GRM8: variants seen among roughly 807,000 people sequenced by gnomAD.
The protein encoded by GRM8 is metabotropic glutamate receptor 8.
In GRM8, 47 loss-of-function variants were observed where a neutral mutation model predicts 87.2. That is an observed-to-expected ratio of 0.54 (90% CI 0.43 to 0.69). The LOEUF (loss-of-function observed/expected upper bound fraction) is 0.69, where lower values mean the gene tolerates loss of function less well. GRM8 is among the 30% of genes least tolerant of loss of function. The pLI is 0.00. For synonymous variants in GRM8, 396 were observed against 404.5 expected (o/e 0.98, Z 0.25); for missense variants, 1,019 against 1,139.2 (o/e 0.89, Z 1.52).
intron 9 of GRM8, among the ~76,000 whole-genome samples, chr7:126,487,995 A>G (rs1255870728): frequency 6.6e-6 from 1 of 152,044 alleles, no homozygotes; most frequent in African/African-American, 2.4e-5. Flanking sequence ...GCATTCCATG[A>G]AAAAAGCAAC....
intron 3 of GRM8, among the ~76,000 whole-genome samples, chr7:127,100,746 T>C (rs1240938110): frequency 2.0e-5 from 3 of 152,138 alleles, no homozygotes; most frequent in Admixed American, 6.5e-5. Flanking sequence ...ACTCCCATGA[T>C]TCAATGATCT....
chr7:126,533,556 T>C lies in GRM8; in HGVS notation c.1826A>G (p.Asn609Ser), dbSNP rs372436094. The C allele has an allele frequency of 3.5e-5, 57 of 1,613,958 alleles. 1 individual carries two copies. Among genetic ancestry groups the C allele is most frequent in the Non-Finnish European group, 3.3e-5 (39 of 1,179,992 alleles). Residue 609 changes from asparagine (N) to serine (S), a missense_variant, in exon 9 of 11, where the codon AAT becomes AGT. Physicochemically the swap from Asn to Ser is conservative, Grantham distance 46. Transcript: ENST00000339582. ...TGAAGCCCTCACGATAGGTGTGTCA[T>C]TATAGCGGACAAAGGTCACGATCAC... is the stretch of plus-strand genomic sequence containing the variant. ...TFVIVTFVRY[N>S]DTPIVRASGR... is the part of the protein sequence containing the mutation.
chr7:126,993,385 T>A (rs1368660492), intron 3 of GRM8, among the ~76,000 whole-genome samples: 2 of 152,188 alleles, frequency 1.3e-5, no homozygotes, highest in Admixed American at 6.5e-5. Context: ...TGCTACGACA[T>A]AGATGAATCT....
intron 3 of GRM8, among the ~76,000 whole-genome samples, chr7:126,973,020 A>G (rs938881466): frequency 6.6e-6 from 1 of 152,236 alleles, no homozygotes; most frequent in Non-Finnish European, 1.5e-5. Context: ...CAGCTATCCA[A>G]TAAACTTTAT....
At chr7:126,603,651 TTGA>T (rs1798049679) in intron 8 of GRM8, among the ~76,000 whole-genome samples, 1 of 152,118 alleles carries the variant, frequency 6.6e-6, no homozygotes, top group Non-Finnish European at 1.5e-5. Context: ...GCCCAGGGAA[TTGA>T]CTCACACTTA....
intron 2 of GRM8, among the ~76,000 whole-genome samples, chr7:127,185,607 T>C (rs940568303): frequency 1.3e-5 from 2 of 152,038 alleles, no homozygotes; most frequent in Non-Finnish European, 2.9e-5. Context: ...GAAAAAAAAT[T>C]GGTAAGTTGG....
chr7:126,630,508 T>A (rs964146790), intron 7 of GRM8, among the ~76,000 whole-genome samples: 9 of 152,122 alleles, frequency 5.9e-5, no homozygotes, highest in African/African-American at 1.9e-4. Flanking sequence ...ATTGAAAAGG[T>A]TGGATTCCTC....
In GRM8 at chr7:126,718,008, G is replaced by A. The variant is rs140840957; in HGVS notation, c.1357+51857C>T. Among the ~76,000 whole-genome samples the A allele has an allele frequency of 3.2e-3, 487 of 152,090 alleles. 3 individuals are homozygous for A. Among genetic ancestry groups the A allele is most frequent in the African/African-American group, 0.011 (450 of 41,502 alleles). On this transcript the variant is annotated intron_variant, in intron 7 of 10. Coordinates refer to ENST00000339582, the MANE Select transcript of GRM8 (RefSeq NM_000845.3). ...AGCACTTTGGGAGGCCAAGGCCGGC[G>A]GATCACAAGGTCAGGAGATCGAGAC...
intron 9 of GRM8, among the ~76,000 whole-genome samples, chr7:126,487,674 G>C (rs1807537563): frequency 6.6e-6 from 1 of 151,488 alleles, no homozygotes; most frequent in Non-Finnish European, 1.5e-5. Flanking sequence ...TTCTCATTTG[G>C]TAAACATTCG....
rs562208606 is a variant in GRM8 at position 127,167,593 on chromosome 7, A to G, written c.511-60881T>C. Among the ~76,000 whole-genome samples the G allele has an allele frequency of 2.0e-5, 3 of 152,060 alleles. No homozygotes were observed. In the South Asian group the frequency reaches 6.2e-4, roughly 32 times the overall value. Reference sequence around the variant, plus strand: ...TTTCAAACTTTTTCATTATTATTATATCCTTTATCGGGATCTGTGATCAGT... The same window carrying G: ...TTTCAAACTTTTTCATTATTATTATGTCCTTTATCGGGATCTGTGATCAGT... On this transcript the variant is annotated intron_variant, in intron 2 of 10. Transcript: ENST00000339582.
At position 126,801,373 on chromosome 7, in the gene GRM8, G is replaced by A. The variant is rs1433717800; in HGVS notation, c.1157-31308C>T. On this transcript the variant is annotated intron_variant, in intron 6 of 10. Coordinates refer to ENST00000339582, the MANE Select transcript of GRM8 (RefSeq NM_000845.3). ...GAACATGTATATAATGGAATGCTTT[G>A]TGACCATAAAAATTTATGATCTAGA... Among the ~76,000 whole-genome samples, 40 of 88,878 alleles carry A rather than the reference G, an allele frequency of 4.5e-4. No individual in the cohort carries two copies. In the Admixed American group the frequency reaches 4.9e-3, roughly 11 times the overall value. The allele number at this position is 88,878 out of a possible 152,430, so 58.3% of individuals were successfully genotyped here.
intron 3 of GRM8, among the ~76,000 whole-genome samples, chr7:127,086,293 G>A (rs529962634): frequency 6.6e-6 from 1 of 152,162 alleles, no homozygotes; most frequent in South Asian, 2.1e-4. Context: ...GTAGAGGCCA[G>A]GTTTCACCAT....
chr7:126,913,036 T>A (rs1480758183), intron 3 of GRM8, among the ~76,000 whole-genome samples: 1 of 152,240 alleles, frequency 6.6e-6, no homozygotes, highest in Non-Finnish European at 1.5e-5. Context: ...TAAAGAATTA[T>A]GTTTTTAGTT....
chr7:126,896,020 G>T (rs2131140492), intron 6 of GRM8, among the ~76,000 whole-genome samples: 1 of 149,092 alleles, frequency 6.7e-6, no homozygotes, highest in Non-Finnish European at 1.5e-5. Context: ...GGATATAAAT[G>T]TCAAGGACAA....
intron 7 of GRM8, among the ~76,000 whole-genome samples, chr7:126,738,172 A>T (rs552571352): frequency 6.6e-6 from 1 of 152,208 alleles, no homozygotes; most frequent in South Asian, 2.1e-4. Flanking sequence ...AGACAATAAG[A>T]ACCTTTTCAG....
At chr7:126,767,850 A>T (rs1443682248) in intron 7 of GRM8, among the ~76,000 whole-genome samples, 1 of 152,112 alleles carries the variant, frequency 6.6e-6, no homozygotes, top group Non-Finnish European at 1.5e-5. Context: ...ACTCAAGCCC[A>T]GCAAAATCAA....
chr7:126,633,107 T>C (rs191480686), intron 7 of GRM8, among the ~76,000 whole-genome samples: 332 of 152,144 alleles, frequency 2.2e-3, no homozygotes, highest in Non-Finnish European at 3.9e-3. Flanking sequence ...ATAAGAAAAG[T>C]TATATTTTGG....
At chr7:127,189,360 G>A (rs934030796) in intron 2 of GRM8, among the ~76,000 whole-genome samples, 1 of 152,108 alleles carries the variant, frequency 6.6e-6, no homozygotes, top group Non-Finnish European at 1.5e-5. Flanking sequence ...AGGGGGATGG[G>A]CATCATTATA....
chr7:126,536,911 G>T (rs766253209), intron 8 of GRM8, among the ~76,000 whole-genome samples: 6 of 152,128 alleles, frequency 3.9e-5, no homozygotes, highest in East Asian at 1.9e-4. Context: ...AACCTTAAAG[G>T]TCAGTTTCTC....
Sources: allele counts gnomAD v4.1 joint callset (sites outside exome capture counted in the v4.1 genomes callset), GRCh38; gene constraint gnomAD v4.1.1; transcripts MANE v1.5; gene names NCBI Gene and HGNC (gene_info 2026-07-23, HGNC 2026-07-21).